KIF1B: variants seen among roughly 807,000 people sequenced by gnomAD.
The protein encoded by KIF1B is kinesin family member 1B.
Under a neutral mutation model 241.9 loss-of-function variants are expected in KIF1B, and 76 were observed. That is an observed-to-expected ratio of 0.31 (90% confidence interval 0.26 to 0.38). The LOEUF is 0.38. Among genes scored for constraint, KIF1B ranks in the 10% least tolerant of loss-of-function variants. KIF1B has a pLI of 1.00. For missense variants in KIF1B, 1,622 were observed against 2,271.4 expected (o/e 0.71, Z 5.81); for synonymous variants, 750 against 796.7 (o/e 0.94, Z 0.99).
chr1:10,368,364 C>T, intron 43 of KIF1B, 103 bp from the exon 44 acceptor site: 1 of 888,400 alleles, frequency 1.1e-6, no homozygotes, highest in Non-Finnish European at 1.9e-6. Flanking sequence ...CATGCCCTCC[C>T]CGGGAACTCA....
intron 1 of KIF1B, chr1:10,211,496 T>C (rs1646692906): frequency 1.3e-5 from 2 of 152,192 alleles, no homozygotes; most frequent in Admixed American, 6.6e-5. Flanking sequence ...GGCAGCCATA[T>C]TGGGAGGATG....
chr1:10,269,861 T>C (rs1357335790), intron 7 of KIF1B, among the ~76,000 whole-genome samples: 1 of 152,186 alleles, frequency 6.6e-6, no homozygotes, highest in Non-Finnish European at 1.5e-5. Context: ...TCAAATAACT[T>C]GTTTAGCCAG....
At chr1:10,251,366 A>C (rs978218225) in intron 2 of KIF1B, among the ~76,000 whole-genome samples, 2 of 151,218 alleles carry the variant, frequency 1.3e-5, no homozygotes, top group African/African-American at 4.9e-5. Context: ...AAGAGAACAA[A>C]GCGATAAAAT....
At chr1:10,342,415 TGG>T (rs1227951193) in intron 33 of KIF1B, among the ~76,000 whole-genome samples, 3 of 152,160 alleles carry the variant, frequency 2.0e-5, no homozygotes, top group Non-Finnish European at 4.4e-5. Flanking sequence ...ACTTTGAATA[TGG>T]TAGAAATTTG....
intron 1 of KIF1B, among the ~76,000 whole-genome samples, chr1:10,223,546 G>GTTTTTTTTTTTTTTTTTTTTT (rs113574017): frequency 1.5e-5 from 2 of 131,298 alleles, no homozygotes; most frequent in African/African-American, 3.0e-5. Context: ...GTTTTGTTTT[G>GTTTTTTTTTTTTTTTTTTTTT]TTTTTTTTTT....
intron 22 of KIF1B, among the ~76,000 whole-genome samples, chr1:10,299,792 C>G (rs749755215): frequency 2.6e-4 from 40 of 152,120 alleles, no homozygotes; most frequent in Non-Finnish European, 5.0e-4. Flanking sequence ...GGGATCTTCT[C>G]TCTTCTTATT....
At chr1:10,215,166 A>AT (rs1646749743) in intron 1 of KIF1B, among the ~76,000 whole-genome samples, 5 of 57,628 alleles carry the variant, frequency 8.7e-5, no homozygotes, top group Non-Finnish European at 9.0e-5. Flanking sequence ...ATATATATAT[A>AT]TATATATTTT....
At chr1:10,316,348 A>G (rs1329821217) in intron 22 of KIF1B, among the ~76,000 whole-genome samples, 8 of 151,630 alleles carry the variant, frequency 5.3e-5, no homozygotes, top group African/African-American at 2.0e-4. Context: ...AGTTTGGTAA[A>G]TTTGGTTAAT....
Position 10,337,528 on chromosome 1 carries a change from G to A in KIF1B, c.3417G>A (p.Gln1139=), listed in dbSNP as rs1652224826. 2 of 1,614,230 alleles carry A rather than the reference G, an allele frequency of 1.2e-6. No individual in the cohort carries two copies. Among genetic ancestry groups the A allele is most frequent in the East Asian group, 4.5e-5 (2 of 44,890 alleles). ...CAGAGTATGCAGATATCTTCTGTCA[G>A]TTCAAGTAAGCTGCCCCTTTGCTCT... The part of the protein sequence containing the change: ...ILPEYADIFC[Q]FNFLHRHDEA... Residue 1139 remains glutamine (Q), a synonymous_variant, in exon 31 of 49, where the codon CAG becomes CAA. Transcript: ENST00000676179. The surrounding 1 kb of genome is among the most constrained non-coding windows in gnomAD (Gnocchi z 4.0).
At position 10,215,159 on chromosome 1, in the gene KIF1B, TA is replaced by T. The variant is rs1557640117; in HGVS notation, c.-80+4282del. Among the ~76,000 whole-genome samples the T allele has an allele frequency of 9.6e-3, 675 of 70,204 alleles. 13 individuals carry two copies. The highest frequency in any genetic ancestry group is 0.056 in the African/African-American group (622 of 11,018). 46.1% of individuals were successfully genotyped at this position (70,204 alleles called of 152,430 possible). On this transcript the variant is annotated intron_variant, in intron 1 of 48. Coordinates refer to ENST00000676179, the MANE Select transcript of KIF1B (RefSeq NM_001365951.3). ...TATTTTATATATATATATATATATATATATATATATATATTTTTTTTTTTTT... is the reference window on the plus strand; with the variant it reads ...TATTTTATATATATATATATATATATTATATATATATATTTTTTTTTTTTT...
chr1:10,337,170 C>A lies in KIF1B; in HGVS notation c.3226C>A (p.Pro1076Thr). The stretch of plus-strand genomic sequence containing the variant: ...GGGTCAGAGTTCTGAGGTCATCACT[C>A]CTCCAGAAGAAATCAGTCGAATTAA... ...GQGQSSEVITPPEEISRINDL... is the reference protein window; with the variant it reads ...GQGQSSEVITTPEEISRINDL... The change falls in exon 30 of 49, where the codon CCT (proline) becomes ACT (threonine). Residue 1076 changes from proline to threonine, a missense_variant. Pro to Thr is a conservative substitution (Grantham distance 38, BLOSUM62 -1). Around this residue, in one of 7 missense-constraint regions of KIF1B, gnomAD observed 803 missense variants for 1,112.0 expected, o/e 0.72. Transcript: ENST00000676179. The surrounding 1 kb of genome is among the most constrained non-coding windows in gnomAD (Gnocchi z 4.0). 1.2e-6 allele frequency: 2 copies of A among 1,614,128 alleles called. No individual in the cohort carries two copies. Among genetic ancestry groups the A allele is most frequent in the Non-Finnish European group, 1.7e-6 (2 of 1,180,026 alleles).
At chr1:10,282,995 C>G (rs980333536) in intron 15 of KIF1B, among the ~76,000 whole-genome samples, 3 of 151,960 alleles carry the variant, frequency 2.0e-5, no homozygotes, top group African/African-American at 7.3e-5. Flanking sequence ...ATCACGAGGT[C>G]AGGAGATCAA....
At chr1:10,294,970 T>C in intron 17 of KIF1B, 116 bp from the exon 18 acceptor site, 1 of 768,310 alleles carries the variant, frequency 1.3e-6, no homozygotes, top group Non-Finnish European at 2.4e-6. Flanking sequence ...TAAAAAGAAA[T>C]CCCTCTCTAG....
Position 10,365,181 on chromosome 1 carries a change from C to T in KIF1B, c.4448C>T (p.Pro1483Leu). 1 of 1,613,940 alleles carries T rather than the reference C, an allele frequency of 6.2e-7. No individual in the cohort carries two copies. Among genetic ancestry groups the T allele is most frequent in the Non-Finnish European group, 8.5e-7 (1 of 1,179,994 alleles). The change falls in exon 42 of 49, where the codon CCC becomes CTC. Residue 1483 changes from proline to leucine, a missense_variant. By Grantham distance (98) the Pro-to-Leu change is moderately conservative (BLOSUM62 -3). Around this residue, in one of 7 missense-constraint regions of KIF1B, gnomAD observed 803 missense variants for 1,112.0 expected, o/e 0.72. Transcript: ENST00000676179. This position sits in a 1 kb window ranked among gnomAD's most constrained non-coding sequence, Gnocchi z 4.0. ...GAAGAGAACTTAGCAGGCTGGCGGC[C>T]CCGTGGAGACAGCCTCATCCTTGAG... is the stretch of plus-strand genomic sequence containing the variant. ...RGEENLAGWR[P>L]RGDSLILEHQ...
rs879326048 is a variant in KIF1B, at chr1:10,258,813, C to T, written c.363+141C>T. ...ACAAAGATGAACAACCCATTATTTT[C>T]CCTCAGAGGAGCTCACAATTGAATG... On this transcript the variant is annotated intron_variant, in intron 4 of 48. Coordinates refer to ENST00000676179, the MANE Select transcript of KIF1B (RefSeq NM_001365951.3). 8.4e-6 allele frequency: 7 copies of T among 830,590 alleles called. No homozygotes were observed. In the Admixed American group the frequency reaches 1.2e-4, roughly 15 times the overall value. 51.5% of individuals were successfully genotyped at this position (830,590 alleles called of 1,614,324 possible).
chr1:10,238,630 G>A (rs933920893), intron 2 of KIF1B, among the ~76,000 whole-genome samples: 4 of 151,902 alleles, frequency 2.6e-5, no homozygotes, highest in African/African-American at 9.7e-5. Context: ...TCTTGAGCCT[G>A]GGAGGTGGAG....
intron 13 of KIF1B, 29 bp from the exon 14 acceptor site, chr1:10,279,068 C>G: frequency 6.5e-7 from 1 of 1,531,442 alleles, no homozygotes; most frequent in Non-Finnish European, 8.8e-7. Context: ...TTTGACCCTT[C>G]TCGTATTTTC....
rs1652678011 is a variant in KIF1B, at chr1:10,348,699, G to A, written c.3915G>A (p.Glu1305=). The part of the protein sequence containing the change: ...TVTIIHEKGS[E]LHWKDVRELV... ...CCATTATCCATGAGAAGGGGAGCGA[G>A]CTCCATTGGAAAGATGTTCGTGAAC... Residue 1305 remains glutamate, a synonymous_variant, in exon 37 of 49, where the codon GAG becomes GAA. Transcript: ENST00000676179. 1 of 1,614,004 alleles carries A rather than the reference G, an allele frequency of 6.2e-7. No homozygotes were observed. Among genetic ancestry groups the A allele is most frequent in the Admixed American group, 1.7e-5 (1 of 60,006 alleles).
intron 1 of KIF1B, among the ~76,000 whole-genome samples, chr1:10,218,657 G>A (rs1646800260): frequency 6.6e-6 from 1 of 152,174 alleles, no homozygotes; most frequent in South Asian, 2.1e-4. Context: ...CTGACCTCAA[G>A]TGATCCACCC....
Sources: allele counts gnomAD v4.1 joint callset (sites outside exome capture counted in the v4.1 genomes callset), GRCh38; gene constraint gnomAD v4.1.1; regional missense constraint gnomAD v4.1.1; non-coding constraint Gnocchi (gnomAD v3.1); transcripts MANE v1.5; gene names NCBI Gene and HGNC (gene_info 2026-07-23, HGNC 2026-07-21).